MAPK10: variants seen among roughly 807,000 people sequenced by gnomAD.
MAPK10 encodes the protein JNK3 alpha protein kinase.
In MAPK10, 25 loss-of-function variants were observed where a neutral mutation model predicts 59.3. The observed-to-expected ratio is 0.42, with a 90% CI of 0.31 to 0.59. MAPK10 has a LOEUF of 0.59. Among genes scored for constraint, MAPK10 ranks in the 20% least tolerant of loss-of-function variants. The probability of loss-of-function intolerance (pLI) is 0.15; values close to 1 mark genes in which losing one functional copy is unlikely to be tolerated. For synonymous variants in MAPK10, 190 were observed against 200.5 expected (o/e 0.95, Z 0.44); for missense variants, 351 against 568.9 (o/e 0.62, Z 3.90).
intron 1 of MAPK10, among the ~76,000 whole-genome samples, chr4:86,491,996 T>C (rs779184009): frequency 2.0e-5 from 3 of 152,210 alleles, no homozygotes; most frequent in Non-Finnish European, 4.4e-5. Flanking sequence ...TCCCAATGAA[T>C]AGGTTACTTC....
At chr4:86,396,842 C>A (rs114097889) in intron 1 of MAPK10, among the ~76,000 whole-genome samples, 1 of 152,034 alleles carries the variant, frequency 6.6e-6, no homozygotes, top group Non-Finnish European at 1.5e-5. Flanking sequence ...CTAAGCCCAC[C>A]GTCAACACGG....
intron 2 of MAPK10, among the ~76,000 whole-genome samples, chr4:86,200,419 G>A (rs1461458998): frequency 6.6e-6 from 1 of 151,930 alleles, no homozygotes; most frequent in African/African-American, 2.4e-5. Flanking sequence ...TACACAGTAT[G>A]TATTCTGTTT....
intron 2 of MAPK10, among the ~76,000 whole-genome samples, chr4:86,220,083 G>T (rs1343882989): frequency 6.6e-6 from 1 of 152,046 alleles, no homozygotes; most frequent in Non-Finnish European, 1.5e-5. Flanking sequence ...ACTATTTTAA[G>T]ATATCAATTA....
chr4:86,159,745 T>G (rs886934016), intron 3 of MAPK10, among the ~76,000 whole-genome samples: 2 of 152,054 alleles, frequency 1.3e-5, no homozygotes, highest in African/African-American at 4.8e-5. Context: ...TTCTAAAGTA[T>G]CTCATAGAGA....
At chr4:86,230,668 G>T (rs1345829356) in intron 2 of MAPK10, among the ~76,000 whole-genome samples, 1 of 151,984 alleles carries the variant, frequency 6.6e-6, no homozygotes. Context: ...CCTTAGTATA[G>T]AACTAATTTA....
chr4:86,412,625 G>A (rs563291280), intron 1 of MAPK10, among the ~76,000 whole-genome samples: 52 of 151,848 alleles, frequency 3.4e-4, no homozygotes, highest in Non-Finnish European at 6.0e-4. Flanking sequence ...CTCTAATCTT[G>A]TCTTCTCACT....
intron 9 of MAPK10, chr4:86,081,918 C>T (rs945018748): frequency 6.6e-6 from 1 of 151,298 alleles, no homozygotes; most frequent in African/African-American, 2.4e-5. Flanking sequence ...ATTCCAAAGT[C>T]TACTTATAGG....
At chr4:86,574,945 C>A (rs1761764947) in intron 1 of MAPK10, among the ~76,000 whole-genome samples, 3 of 152,070 alleles carry the variant, frequency 2.0e-5, no homozygotes. Context: ...CCAAAGTGTG[C>A]ACAAATTAAC....
intron 2 of MAPK10, among the ~76,000 whole-genome samples, chr4:86,251,387 C>T (rs928940020): frequency 6.0e-5 from 9 of 150,836 alleles, no homozygotes; most frequent in Admixed American, 2.6e-4. Context: ...CATGTGATCT[C>T]ATTGTTCAAT....
At chr4:86,502,452 A>C (rs1755398331) in intron 1 of MAPK10, among the ~76,000 whole-genome samples, 1 of 151,978 alleles carries the variant, frequency 6.6e-6, no homozygotes, top group African/African-American at 2.4e-5. Context: ...CTTTGCATTG[A>C]CTTAATAATA....
intron 1 of MAPK10, among the ~76,000 whole-genome samples, chr4:86,581,941 ATATATATT>A (rs1762342982): frequency 2.2e-5 from 2 of 89,200 alleles, no homozygotes; most frequent in Non-Finnish European, 4.6e-5. Context: ...ATATATATAT[ATATATATT>A]CTAATACTGC....
intron 2 of MAPK10, among the ~76,000 whole-genome samples, chr4:86,222,941 T>A (rs766748171): frequency 6.6e-6 from 1 of 152,178 alleles, no homozygotes; most frequent in Non-Finnish European, 1.5e-5. Context: ...AGAAAAAATG[T>A]GCCATTGTCC....
At chr4:86,284,366 C>A (rs973859169) in intron 2 of MAPK10, among the ~76,000 whole-genome samples, 3 of 152,192 alleles carry the variant, frequency 2.0e-5, no homozygotes, top group Non-Finnish European at 4.4e-5. Flanking sequence ...CATGCTCGGT[C>A]CATTCCTTGC....
At chr4:86,332,908 G>A (rs7684758) in intron 2 of MAPK10, among the ~76,000 whole-genome samples, 108,204 of 151,484 alleles carry the variant, frequency 0.71, 39,526 homozygotes, top group South Asian at 0.9. Context: ...ATTTAAGGCT[G>A]CTGACTAATA....
At chr4:86,443,832 T>C (rs1749703115) in intron 1 of MAPK10, among the ~76,000 whole-genome samples, 1 of 152,052 alleles carries the variant, frequency 6.6e-6, no homozygotes, top group Non-Finnish European at 1.5e-5. Context: ...TTAAAACAAC[T>C]ATGACTAACT....
intron 4 of MAPK10, among the ~76,000 whole-genome samples, chr4:86,129,160 T>A (rs549590948): frequency 6.6e-6 from 1 of 152,146 alleles, no homozygotes; most frequent in Non-Finnish European, 1.5e-5. Context: ...TGCTGTATTT[T>A]TACAGACATT....
At position 86,559,929 on chromosome 4, in the gene MAPK10, CTT is replaced by C. The variant is rs1319845589; in HGVS notation, c.-263+33979_-263+33980del. 2.6e-4 allele frequency among the ~76,000 whole-genome samples: 35 copies of C among 135,034 alleles called. 1 individual carries two copies. In the South Asian group the frequency reaches 5.9e-3, roughly 23 times the overall value. 88.6% of individuals were successfully genotyped at this position (135,034 alleles called of 152,430 possible). A position where few individuals can be genotyped will look rare whatever the true frequency, so the allele number is the denominator to read the frequency against. ...ACTCCAGCCTGGCAACAGAGCAAGA[CTT>C]TGTCTCAAAAAAAAAAAAAAGAAAA... On this transcript the variant is annotated intron_variant, in intron 1 of 4. Transcript: ENST00000502302.
At chr4:86,190,900 C>T (rs1045896709) in intron 3 of MAPK10, among the ~76,000 whole-genome samples, 7 of 152,190 alleles carry the variant, frequency 4.6e-5, no homozygotes, top group African/African-American at 1.7e-4. Context: ...AAATTTCCCT[C>T]TAACCACTGC....
chr4:86,274,868 A>G (rs1231344392), intron 2 of MAPK10, among the ~76,000 whole-genome samples: 1 of 152,026 alleles, frequency 6.6e-6, no homozygotes, highest in African/African-American at 2.4e-5. Flanking sequence ...TGACAGAAAG[A>G]CTGAGATTAA....
Sources: allele counts gnomAD v4.1 joint callset (sites outside exome capture counted in the v4.1 genomes callset), GRCh38; gene constraint gnomAD v4.1.1; transcripts MANE v1.5; gene names NCBI Gene and HGNC (gene_info 2026-07-23, HGNC 2026-07-21).